The following DGLUCY variants were observed in gnomAD, a reference collection of about 807,000 sequenced individuals.
The protein encoded by DGLUCY is D-glutamate cyclase, mitochondrial.
Under a neutral mutation model 58.5 loss-of-function variants are expected in DGLUCY, and 58 were observed. The ratio of observed to expected loss-of-function variants is 0.99; its 90% CI spans 0.80 to 1.23. The LOEUF is 1.23. Ranked by LOEUF, DGLUCY falls within the 50% of genes most tolerant of loss-of-function variation. The pLI is 0.00. For missense variants in DGLUCY, 779 were observed against 784.7 expected (o/e 0.99, Z 0.09); for synonymous variants, 325 against 314.1 (o/e 1.03, Z -0.37).
At chr14:91,183,872 C>G (rs1044613375) in intron 8 of DGLUCY, among the ~76,000 whole-genome samples, 2 of 152,236 alleles carry the variant, frequency 1.3e-5, no homozygotes, top group African/African-American at 2.4e-5. Context: ...AAAGAGTGCT[C>G]TAGCGACTCC....
intron 1 of DGLUCY, among the ~76,000 whole-genome samples, chr14:91,076,628 G>A (rs1262012432): frequency 6.6e-6 from 1 of 152,156 alleles, no homozygotes; most frequent in Non-Finnish European, 1.5e-5. Flanking sequence ...TACTGGGAAG[G>A]ATCTGGGAAA....
chr14:91,145,907 C>G (rs146973810), intron 1 of DGLUCY, among the ~76,000 whole-genome samples: 251 of 152,248 alleles, frequency 1.6e-3, no homozygotes, highest in African/African-American at 5.6e-3. Flanking sequence ...GAGACAGGCT[C>G]TCACCCTGTT....
chr14:91,188,040 C>G (rs984301316), intron 8 of DGLUCY, among the ~76,000 whole-genome samples: 3 of 152,058 alleles, frequency 2.0e-5, no homozygotes, highest in Non-Finnish European at 4.4e-5. Context: ...GTGCTGTAAC[C>G]TAGAAGCCCC....
intron 1 of DGLUCY, among the ~76,000 whole-genome samples, chr14:91,128,518 AAAAAT>A (rs2045854622): frequency 6.6e-6 from 1 of 152,024 alleles, no homozygotes; most frequent in Admixed American, 6.6e-5. Flanking sequence ...AAATAAAACA[AAAAAT>A]AAAAGAAAGA....
At chr14:91,066,758 A>T (rs2043828565) in intron 1 of DGLUCY, among the ~76,000 whole-genome samples, 1 of 152,180 alleles carries the variant, frequency 6.6e-6, no homozygotes, top group Admixed American at 6.5e-5. Flanking sequence ...CTGGTAGCTG[A>T]GTCTGAGGTC....
At chr14:91,141,656 A>G (rs181758015) in intron 1 of DGLUCY, among the ~76,000 whole-genome samples, 18 of 148,216 alleles carry the variant, frequency 1.2e-4, no homozygotes, top group Admixed American at 8.3e-4. Context: ...GGTTCAAGTG[A>G]TTATCCTGCC....
intron 1 of DGLUCY, among the ~76,000 whole-genome samples, chr14:91,075,776 T>A (rs1427908853): frequency 1.3e-5 from 2 of 152,160 alleles, no homozygotes; most frequent in Non-Finnish European, 2.9e-5. Context: ...ATTCAGCATC[T>A]TTACTGGACC....
chr14:91,189,923 T>C (rs2049766077), intron 9 of DGLUCY: 1 of 151,700 alleles, frequency 6.6e-6, no homozygotes, highest in Admixed American at 6.6e-5. Flanking sequence ...TAGAATCCAC[T>C]TCATGCAACA....
upstream of DGLUCY, among the ~76,000 whole-genome samples, chr14:91,104,638 TTCTC>T (rs1270601498): frequency 6.6e-6 from 1 of 152,200 alleles, no homozygotes; most frequent in East Asian, 1.9e-4. Context: ...CATGAAACAC[TTCTC>T]TCTTCTGGTT....
At chr14:91,200,683 C>G (rs2050498048) in intron 11 of DGLUCY, among the ~76,000 whole-genome samples, 1 of 151,906 alleles carries the variant, frequency 6.6e-6, no homozygotes, top group African/African-American at 2.4e-5. Flanking sequence ...CTCAAGCAAT[C>G]CTCCCATCTC....
At chr14:91,096,185 A>G (rs2044391924) in intron 1 of DGLUCY, among the ~76,000 whole-genome samples, 2 of 152,306 alleles carry the variant, frequency 1.3e-5, no homozygotes, top group South Asian at 2.1e-4. Flanking sequence ...AGGCTGAGGC[A>G]GGCAGATCAC....
rs149275019 is a variant in DGLUCY, at chr14:91,191,695, G to C, written c.1195+2525G>C. Among the ~76,000 whole-genome samples the C allele has an allele frequency of 5.9e-3, 898 of 152,286 alleles. 7 individuals carry two copies. Among genetic ancestry groups the C allele is most frequent in the African/African-American group, 0.021 (864 of 41,554 alleles). ...CAAAAAGTACAGATACAGAGGGCAG[G>C]GGGTATTGTGAGAAGTAGCCAGATG... On this transcript the variant is annotated intron_variant, in intron 9 of 13. Coordinates refer to ENST00000256324, the MANE Select transcript of DGLUCY (RefSeq NM_001102368.3).
In DGLUCY at chr14:91,199,888, C is replaced by T; in HGVS notation, c.1427C>T (p.Pro476Leu). The change falls in exon 11 of 14, where the codon CCT (proline) becomes CTT (leucine). Residue 476 changes from proline to leucine, a missense_variant. By Grantham distance (98) the Pro-to-Leu change is moderately conservative. Coordinates refer to ENST00000256324, the MANE Select transcript of DGLUCY (RefSeq NM_001102368.3). The stretch of plus-strand genomic sequence containing the variant: ...CTTTTTCTTGCTGCGAAGAAGATTC[C>T]TGGAATCTCATCAACTGGTAAGTAT... ...DDLFLAAKKI[P>L]GISSTGVGDG... is the part of the protein sequence containing the mutation. The T allele has an allele frequency of 6.2e-7, 1 of 1,614,162 alleles. No individual in the cohort carries two copies. The highest frequency in any genetic ancestry group is 8.5e-7 in the Non-Finnish European group (1 of 1,180,024).
intron 1 of DGLUCY, among the ~76,000 whole-genome samples, chr14:91,091,997 C>A (rs1009686977): frequency 9.2e-5 from 14 of 152,154 alleles, no homozygotes; most frequent in Admixed American, 2.0e-4. Flanking sequence ...CCAAATCAAA[C>A]CCTTGACTCC....
intron 1 of DGLUCY, among the ~76,000 whole-genome samples, chr14:91,095,832 C>T (rs2044386182): frequency 6.7e-6 from 1 of 150,268 alleles, no homozygotes; most frequent in Non-Finnish European, 1.5e-5. Context: ...AACACATCTT[C>T]TATATCTTTG....
At chr14:91,166,589 C>G (rs1288363048) in intron 3 of DGLUCY, among the ~76,000 whole-genome samples, 1 of 151,918 alleles carries the variant, frequency 6.6e-6, no homozygotes, top group Non-Finnish European at 1.5e-5. Flanking sequence ...CACTTGAACC[C>G]AGGAGGCACA....
intron 1 of DGLUCY, among the ~76,000 whole-genome samples, chr14:91,097,960 GA>G (rs1251164167): frequency 2.0e-5 from 3 of 152,052 alleles, no homozygotes; most frequent in South Asian, 2.1e-4. Flanking sequence ...AAGAAAAAGA[GA>G]AAAAAATCCT....
chr14:91,158,757 AC>A (rs377160535), intron 2 of DGLUCY: 1 of 151,782 alleles, frequency 6.6e-6, no homozygotes, highest in African/African-American at 2.4e-5. Flanking sequence ...GATGAAAAGG[AC>A]CTTGGCTATG....
intron 12 of DGLUCY, among the ~76,000 whole-genome samples, chr14:91,205,580 A>G (rs1406365647): frequency 6.6e-6 from 1 of 152,188 alleles, no homozygotes; most frequent in Non-Finnish European, 1.5e-5. Context: ...CAGTATGGGC[A>G]AGTATGAGAG....
Sources: gnomAD v4.1 joint callset for allele counts (sites outside exome capture counted in the v4.1 genomes callset) on GRCh38, gnomAD v4.1.1 for gene constraint, MANE v1.5 for transcripts, NCBI Gene and HGNC (gene_info 2026-07-23, HGNC 2026-07-21) for gene names.